Variants in VEGFC observed in about 807,000 individuals in gnomAD.
VEGFC encodes FLT4 ligand DHM.
A neutral mutation model predicts 46.1 loss-of-function variants in VEGFC; 12 were observed. That is an observed-to-expected ratio of 0.26 (90% CI 0.17 to 0.42). The LOEUF (loss-of-function observed/expected upper bound fraction) is 0.42, where lower values mean the gene tolerates loss of function less well. VEGFC is among the 10% of genes least tolerant of loss of function. VEGFC has a pLI of 1.00. For missense variants in VEGFC, 488 were observed against 529.4 expected (o/e 0.92, Z 0.77); for synonymous variants, 232 against 195.5 (o/e 1.19, Z -1.56).
At chr4:176,771,409 C>T (rs73872175) in intron 1 of VEGFC, among the ~76,000 whole-genome samples, 2 of 152,138 alleles carry the variant, frequency 1.3e-5, no homozygotes, top group African/African-American at 4.8e-5. Flanking sequence ...ACACAGTCTA[C>T]TTACCAAAAA....
chr4:176,711,470 C>A (rs1340635232), intron 4 of VEGFC, 29 bp downstream of exon 4: 1 of 1,577,394 alleles, frequency 6.3e-7, no homozygotes, highest in Non-Finnish European at 8.6e-7. Flanking sequence ...GTAGAGGATG[C>A]AGAAAAAATA....
intron 1 of VEGFC, among the ~76,000 whole-genome samples, chr4:176,785,878 C>T (rs1181397792): frequency 6.6e-6 from 1 of 152,182 alleles, no homozygotes; most frequent in Non-Finnish European, 1.5e-5. Flanking sequence ...ACTGTTTACA[C>T]TGCTTGCTTC....
At chr4:176,728,095 GAC>G in intron 2 of VEGFC, 127 bp from the exon 3 acceptor site, 1 of 638,366 alleles carries the variant, frequency 1.6e-6, no homozygotes, top group East Asian at 3.0e-5. Context: ...TAACTAAAGA[GAC>G]AGCTGATGGG....
In VEGFC at chr4:176,780,997, T is replaced by C. The variant is rs114145921; in HGVS notation, c.147+11168A>G. Among the ~76,000 whole-genome samples, 1,428 of 152,286 alleles carry C rather than the reference T, an allele frequency of 9.4e-3. 25 individuals carry two copies. The highest frequency in any genetic ancestry group is 0.033 in the African/African-American group (1,358 of 41,558). On this transcript the variant is annotated intron_variant, in intron 1 of 6. Transcript: ENST00000618562. ...TACATTTTTCTAAAGTAAAACAGAA[T>C]TGGTCTCTAACAGAGCAGGCTTCAC... is the stretch of plus-strand genomic sequence containing the variant.
chr4:176,750,584 G>A (rs542365448), intron 1 of VEGFC, among the ~76,000 whole-genome samples: 2 of 151,774 alleles, frequency 1.3e-5, no homozygotes, highest in Admixed American at 1.3e-4. Context: ...GATTTCTAAA[G>A]GACTTGCATA....
At chr4:176,689,785 C>T (rs889882175) in intron 4 of VEGFC, 8 of 152,232 alleles carry the variant, frequency 5.3e-5, no homozygotes, top group Middle Eastern at 3.4e-3. Context: ...AGCATATACA[C>T]GGTCCATGTA....
intron 1 of VEGFC, among the ~76,000 whole-genome samples, chr4:176,766,919 T>C (rs758434827): frequency 6.6e-6 from 1 of 150,900 alleles, no homozygotes; most frequent in Non-Finnish European, 1.5e-5. Flanking sequence ...TAGACAAATG[T>C]TTCTTAAACA....
At chr4:176,781,597 C>A (rs576661781) in intron 1 of VEGFC, among the ~76,000 whole-genome samples, 1 of 152,248 alleles carries the variant, frequency 6.6e-6, no homozygotes, top group South Asian at 2.1e-4. Flanking sequence ...AATTCAATCA[C>A]AGGATTCATG....
At chr4:176,754,445 G>A (rs1735399246) in intron 1 of VEGFC, among the ~76,000 whole-genome samples, 2 of 151,988 alleles carry the variant, frequency 1.3e-5, no homozygotes, top group African/African-American at 4.8e-5. Flanking sequence ...CTCTGGAGAA[G>A]AATACACTTT....
intron 4 of VEGFC, among the ~76,000 whole-genome samples, chr4:176,699,647 C>T (rs535606158): frequency 2.0e-5 from 3 of 152,256 alleles, no homozygotes; most frequent in South Asian, 2.1e-4. Flanking sequence ...GAGTTTGTTA[C>T]GCCTGACGCT....
Position 176,683,890 on chromosome 4 carries a change from T to C in VEGFC, c.*36A>G. 1 of 1,552,240 alleles carries C rather than the reference T, an allele frequency of 6.4e-7. No individual in the cohort carries two copies. Among genetic ancestry groups the C allele is most frequent in the Non-Finnish European group, 8.9e-7 (1 of 1,123,654 alleles). ...TCTACTGTGGCAACACAGTTTTCCA[T>C]AATAGAAAATCGATGAACTGGAAAA... On this transcript the variant is annotated 3_prime_UTR_variant, in exon 7 of 7. Coordinates refer to ENST00000618562, the MANE Select transcript of VEGFC (RefSeq NM_005429.5).
At position 176,687,426 on chromosome 4, in the gene VEGFC, G is replaced by T. The variant is rs767056045; in HGVS notation, c.906C>A (p.Ala302=). The T allele has an allele frequency of 9.3e-6, 15 of 1,614,108 alleles. No homozygotes were observed. The highest frequency in any genetic ancestry group is 1.3e-5 in the Non-Finnish European group (15 of 1,180,008). The change falls in exon 6 of 7, where the codon GCC becomes GCA. Residue 302 remains alanine (A), a synonymous_variant. Coordinates refer to ENST00000618562, the MANE Select transcript of VEGFC (RefSeq NM_005429.5). Reference sequence around the variant, plus strand: ...CTAGTTCTTTGTGGGGTCCACAGCTGGCAGGCCGAAGCCCCGCTCTGCAGA... The same window carrying T: ...CTAGTTCTTTGTGGGGTCCACAGCTTGCAGGCCGAAGCCCCGCTCTGCAGA... ...QCVCRAGLRP[A]SCGPHKELDR...
chr4:176,688,586 C>T (rs1324448447), intron 4 of VEGFC, among the ~76,000 whole-genome samples: 1 of 98,540 alleles, frequency 1.0e-5, no homozygotes, highest in Admixed American at 1.0e-4. Flanking sequence ...TACTTCCTTC[C>T]TTCCCTCCCT....
rs941790404 is a variant in VEGFC, at chr4:176,792,417, C to G, written c.-106G>C. 1 of 904,244 alleles carries G rather than the reference C, an allele frequency of 1.1e-6. No homozygotes were observed. Among genetic ancestry groups the G allele is most frequent in the East Asian group, 3.4e-5 (1 of 29,606 alleles). The allele number at this position is 904,244 out of a possible 1,614,324, so 56.0% of individuals were successfully genotyped here. On this transcript the variant is annotated 5_prime_UTR_variant, in exon 1 of 7. Transcript: ENST00000618562. This position sits in a 1 kb window ranked among gnomAD's most constrained non-coding sequence, Gnocchi z 6.3. ...CCCCTCCTGGTCCCTCTCCCCCGGG[C>G]TCCTCCCGGCGACCCCCCCTGGGCG...
rs1440858608 is a variant in VEGFC, at chr4:176,729,655, A to G, written c.239T>C (p.Met80Thr). ...MTVLYPEYWK[M>T]YKCQLRKGGW... Reference sequence around the variant, plus strand: ...TCCTTTCCTTAGCTGACACTTGTACATTTTCCAATATTCTGGGTAGAGTAC... The same window carrying G: ...TCCTTTCCTTAGCTGACACTTGTACGTTTTCCAATATTCTGGGTAGAGTAC... The change falls in exon 2 of 7, where the codon ATG (methionine) becomes ACG (threonine). Residue 80 changes from methionine to threonine, a missense_variant. By Grantham distance (81) the Met-to-Thr change is moderately conservative. Transcript: ENST00000618562. The G allele has an allele frequency of 6.2e-7, 1 of 1,613,694 alleles. No homozygotes were observed. Among genetic ancestry groups the G allele is most frequent in the Admixed American group, 1.7e-5 (1 of 59,968 alleles).
intron 1 of VEGFC, among the ~76,000 whole-genome samples, chr4:176,781,519 A>G (rs1400226331): frequency 6.6e-6 from 1 of 152,262 alleles, no homozygotes; most frequent in Non-Finnish European, 1.5e-5. Flanking sequence ...CTGGTATCTG[A>G]TATCAACTAG....
chr4:176,792,085 TC>T lies in VEGFC; in HGVS notation c.147+79del. ...ACACAAGCTTAAAGCACACACACTT[TC>T]CCCCGCGCAGGTTCTCGGGTCCGCC... is the stretch of plus-strand genomic sequence containing the variant. On this transcript the variant is annotated intron_variant, in intron 1 of 6. Coordinates refer to ENST00000618562, the MANE Select transcript of VEGFC (RefSeq NM_005429.5). This position sits in a 1 kb window ranked among gnomAD's most constrained non-coding sequence, Gnocchi z 6.3. The T allele has an allele frequency of 7.2e-7, 1 of 1,397,716 alleles. No homozygotes were observed. Among genetic ancestry groups the T allele is most frequent in the Non-Finnish European group, 9.3e-7 (1 of 1,071,068 alleles). 86.6% of individuals were successfully genotyped at this position (1,397,716 alleles called of 1,614,324 possible).
intron 1 of VEGFC, among the ~76,000 whole-genome samples, chr4:176,750,748 G>T (rs1421588327): frequency 6.6e-6 from 1 of 151,702 alleles, no homozygotes; most frequent in Non-Finnish European, 1.5e-5. Flanking sequence ...CTGACCACCA[G>T]CTGGGTTCCA....
At chr4:176,724,861 C>T (rs1734845589) in intron 3 of VEGFC, among the ~76,000 whole-genome samples, 2 of 151,958 alleles carry the variant, frequency 1.3e-5, no homozygotes, top group East Asian at 1.9e-4. Flanking sequence ...GGGAGCTAAA[C>T]GAGTGGATCT....
Sources: gnomAD v4.1 joint callset for allele counts (sites outside exome capture counted in the v4.1 genomes callset) on GRCh38, gnomAD v4.1.1 for gene constraint, Gnocchi (gnomAD v3.1) non-coding constraint, MANE v1.5 for transcripts, NCBI Gene and HGNC (gene_info 2026-07-23, HGNC 2026-07-21) for gene names.